ULK1: variants seen among roughly 807,000 people sequenced by gnomAD.
ULK1 encodes unc-51 like autophagy activating kinase 1, also known as serine/threonine-protein kinase ULK1.
A neutral mutation model predicts 117.5 loss-of-function variants in ULK1; 48 were observed. That is an observed-to-expected ratio of 0.41 (90% CI 0.32 to 0.52). The LOEUF is 0.52. Among genes scored for constraint, ULK1 ranks in the 20% least tolerant of loss-of-function variants. ULK1 has a pLI of 0.29. For synonymous variants in ULK1, 790 were observed against 637.8 expected (o/e 1.24, Z -3.60); for missense variants, 1,387 against 1,473.4 (o/e 0.94, Z 0.96).
At chr12:131,916,268 C>T in intron 19 of ULK1, 109 bp downstream of exon 19, 1 of 1,519,070 alleles carries the variant, frequency 6.6e-7, no homozygotes, top group Non-Finnish European at 8.9e-7. Flanking sequence ...CTTTTGACCC[C>T]CGCCTGGGCT....
Position 131,921,360 on chromosome 12 carries a change from G to C in ULK1, c.3152G>C (p.Ter1051SerextTer36). ...LSALLTGICA[*>S] ...GCGCTGCTGACTGGCATCTGTGCCT[G>C]ACCTTTCTGGCCTGGCTGGGCCCCC... is the stretch of plus-strand genomic sequence containing the variant. The change falls in exon 28 of 28, where the codon TGA (stop) becomes TCA (serine). Residue 1051 changes from the stop codon to serine, a stop_lost. Coordinates refer to ENST00000321867, the MANE Select transcript of ULK1 (RefSeq NM_003565.4). 6.2e-7 allele frequency: 1 copy of C among 1,603,426 alleles called. No homozygotes were observed. Among genetic ancestry groups the C allele is most frequent in the Non-Finnish European group, 8.5e-7 (1 of 1,179,922 alleles).
rs879705574 is a variant in ULK1 at position 131,922,180 on chromosome 12, T to G, written c.*819T>G. Reference sequence around the variant, plus strand: ...TATTTTTATGCAGCTCATTTTTTCTTTAAAGGAGAAAACTTGTAGGTGTTT... The same window carrying G: ...TATTTTTATGCAGCTCATTTTTTCTGTAAAGGAGAAAACTTGTAGGTGTTT... On this transcript the variant is annotated 3_prime_UTR_variant, in exon 28 of 28. Transcript: ENST00000321867. 1.4e-5 allele frequency: 5 copies of G among 365,130 alleles called. No homozygotes were observed. The Admixed American group carries it at 1.8e-4, about 13-fold the overall frequency. 22.6% of individuals were successfully genotyped at this position (365,130 alleles called of 1,614,324 possible).
intron 26 of ULK1, chr12:131,920,349 C>T (rs1406700119): frequency 8.5e-6 from 5 of 590,800 alleles, no homozygotes; most frequent in Non-Finnish European, 1.5e-5. Context: ...TGCCGTGGCC[C>T]ATGTGCATCC....
At chr12:131,909,542 G>T (rs975089097) in intron 8 of ULK1, among the ~76,000 whole-genome samples, 1 of 152,196 alleles carries the variant, frequency 6.6e-6, no homozygotes, top group Non-Finnish European at 1.5e-5. Context: ...GGCCGAGTGG[G>T]TGAGGGCTGG....
intron 3 of ULK1, among the ~76,000 whole-genome samples, chr12:131,905,765 C>T (rs1314743698): frequency 1.3e-5 from 2 of 152,140 alleles, no homozygotes; most frequent in Admixed American, 6.5e-5. Context: ...TGGTGGGCTA[C>T]AGGGAGGCTC....
In ULK1 at chr12:131,917,018, A is replaced by C. The variant is rs200133826; in HGVS notation, c.2138A>C (p.Asp713Ala). The change falls in exon 21 of 28, where the codon GAC becomes GCC. Residue 713 changes from aspartate (D) to alanine (A), a missense_variant. Physicochemically the swap from Asp to Ala is moderately radical, Grantham distance 126. Coordinates refer to ENST00000321867, the MANE Select transcript of ULK1 (RefSeq NM_003565.4). ...GCGGCGTTTGGGACACAAGCCCCGG[A>C]CCCGGGCAGCACGGAGAGCCTGCAG... is the stretch of plus-strand genomic sequence containing the variant. Reference protein sequence around the residue: ...LKAAFGTQAPDPGSTESLQEK... With the variant: ...LKAAFGTQAPAPGSTESLQEK... 6.8e-7 allele frequency: 1 copy of C among 1,464,156 alleles called. No homozygotes were observed. The highest frequency in any genetic ancestry group is 2.7e-5 in the East Asian group (1 of 36,718). 90.7% of individuals were successfully genotyped at this position (1,464,156 alleles called of 1,614,324 possible).
At position 131,903,449 on chromosome 12, in the gene ULK1, G is replaced by A. The variant is rs771004591; in HGVS notation, c.247-3443G>A. Among the ~76,000 whole-genome samples, 1 of 152,182 alleles carries A rather than the reference G, an allele frequency of 6.6e-6. No homozygotes were observed. Among genetic ancestry groups the A allele is most frequent in the Non-Finnish European group, 1.5e-5 (1 of 68,040 alleles). ...GTGTGCTCGTATGGGAAGTGGGCTG[G>A]TTATGGCCTGCTGCCTGGGCTCCTG... On this transcript the variant is annotated intron_variant, in intron 3 of 27. Transcript: ENST00000321867. The surrounding 1 kb of genome is among the most constrained non-coding windows in gnomAD (Gnocchi z 6.0).
intron 11 of ULK1, 114 bp downstream of exon 11, chr12:131,910,418 C>G: frequency 4.7e-6 from 7 of 1,503,822 alleles, no homozygotes; most frequent in Non-Finnish European, 6.5e-6. Context: ...GAGCTGCGGC[C>G]AGCTCCCAGG....
At chr12:131,910,896 G>T (rs1054046611) in intron 12 of ULK1, 96 bp downstream of exon 12, 14 of 1,547,926 alleles carry the variant, frequency 9.0e-6, no homozygotes, top group African/African-American at 1.4e-5. Flanking sequence ...TGTGACTTCT[G>T]TTGTCTGTGT....
At chr12:131,900,683 G>A (rs1032211761) in intron 3 of ULK1, among the ~76,000 whole-genome samples, 1 of 152,268 alleles carries the variant, frequency 6.6e-6, no homozygotes, top group African/African-American at 2.4e-5. Context: ...GCAGCTAAAG[G>A]TCTTGCTGGG....
At chr12:131,920,298 G>A in intron 26 of ULK1, 162 bp downstream of exon 26, 1 of 948,938 alleles carries the variant, frequency 1.1e-6, no homozygotes, top group South Asian at 1.7e-5. Context: ...GCCTCCTGCA[G>A]GCGCTCGCAG....
At chr12:131,896,704 G>GC (rs1190473799) in intron 3 of ULK1, 1 of 152,442 alleles carries the variant, frequency 6.6e-6, no homozygotes, top group African/African-American at 2.4e-5. Flanking sequence ...CTGGAGCTGG[G>GC]CCATCCCTCC....
intron 3 of ULK1, among the ~76,000 whole-genome samples, chr12:131,898,566 A>G (rs1888965050): frequency 6.6e-6 from 1 of 151,718 alleles, no homozygotes; most frequent in African/African-American, 2.4e-5. Context: ...CAGTGACACA[A>G]TCTCCCCTCA....
At position 131,894,965 on chromosome 12, in the gene ULK1, G is replaced by A. The variant is rs1412199927; in HGVS notation, c.-37G>A. The A allele has an allele frequency of 2.3e-6, 1 of 438,800 alleles. No homozygotes were observed. The highest frequency in any genetic ancestry group is 5.2e-5 in the South Asian group (1 of 19,144). The allele number at this position is 438,800 out of a possible 1,614,324, so 27.2% of individuals were successfully genotyped here. On this transcript the variant is annotated 5_prime_UTR_variant, in exon 1 of 28. Coordinates refer to ENST00000321867, the MANE Select transcript of ULK1 (RefSeq NM_003565.4). ...GCCTGAGTCCCCCGCGCCTTGGCCC[G>A]CCACCCCCCGCCCCGCGCCCCCGGC...
At chr12:131,906,167 C>T (rs1455039120) in intron 3 of ULK1, among the ~76,000 whole-genome samples, 3 of 152,078 alleles carry the variant, frequency 2.0e-5, no homozygotes, top group Admixed American at 6.5e-5. Flanking sequence ...AGTCTCGGCT[C>T]ACTGCAGCCT....
In ULK1 at chr12:131,919,374, C is replaced by G; in HGVS notation, c.2674C>G (p.Arg892Gly). The change falls in exon 24 of 28, where the codon CGA becomes GGA. Residue 892 changes from arginine (R) to glycine (G), a missense_variant. This residue lies in a region of ULK1 where 900 missense variants were observed against 858.9 expected (regional missense o/e 1.05). Transcript: ENST00000321867. Reference protein sequence around the residue: ...VVADQISLLSREWGFAEQLVL... With the variant: ...VVADQISLLSGEWGFAEQLVL... Reference sequence around the variant, plus strand: ...GGCCGACCAGATCAGCCTGCTGAGCCGAGAATGGGGGTGGGTGCCGCCAGG... The same window carrying G: ...GGCCGACCAGATCAGCCTGCTGAGCGGAGAATGGGGGTGGGTGCCGCCAGG... 3 of 1,402,248 alleles carry G rather than the reference C, an allele frequency of 2.1e-6. No individual in the cohort carries two copies. The highest frequency in any genetic ancestry group is 2.9e-5 in the East Asian group (1 of 34,966). 86.9% of individuals were successfully genotyped at this position (1,402,248 alleles called of 1,614,324 possible). A position where few individuals can be genotyped will look rare whatever the true frequency, so the allele number is the denominator to read the frequency against.
rs1889621521 is a variant in ULK1 at position 131,913,263 on chromosome 12, GC to G, written c.1157+10del. The G allele has an allele frequency of 1.9e-6, 3 of 1,569,686 alleles. No homozygotes were observed. Among genetic ancestry groups the G allele is most frequent in the Non-Finnish European group, 2.6e-6 (3 of 1,160,880 alleles). ...AGACAGCCTGATGTGCAGTGGGTGA[GC>G]CCCCATCCCTTACCTCTGTATTTTA... On this transcript the variant is annotated splice_donor_region_variant and intron_variant, in intron 14 of 27. Transcript: ENST00000321867.
At chr12:131,920,903 C>T (rs1890122523) in intron 26 of ULK1, 197 bp from the exon 27 acceptor site, 2 of 739,726 alleles carry the variant, frequency 2.7e-6, no homozygotes, top group Non-Finnish European at 4.2e-6. Context: ...CCAGGGTCAT[C>T]TGGTTCCAGG....
intron 11 of ULK1, 95 bp from the exon 12 acceptor site, chr12:131,910,617 G>A (rs1889489276): frequency 6.2e-7 from 1 of 1,610,306 alleles, no homozygotes; most frequent in African/African-American, 1.3e-5. Flanking sequence ...GGAAGTGGAG[G>A]GGATATGGTT....
Sources: allele counts gnomAD v4.1 joint callset (sites outside exome capture counted in the v4.1 genomes callset), GRCh38; gene constraint gnomAD v4.1.1; regional missense constraint gnomAD v4.1.1; non-coding constraint Gnocchi (gnomAD v3.1); transcripts MANE v1.5; gene names NCBI Gene and HGNC (gene_info 2026-07-23, HGNC 2026-07-21).